The following MYO10 variants were observed in gnomAD, a reference collection of about 807,000 sequenced individuals.
MYO10 encodes the protein unconventional myosin-X.
In MYO10, 133 loss-of-function variants were observed where a neutral mutation model predicts 257.3. That is an observed-to-expected ratio of 0.52 (90% CI 0.45 to 0.60). MYO10 has a LOEUF of 0.60. MYO10 is among the 20% of genes least tolerant of loss of function. MYO10 has a pLI of 0.00. For missense variants in MYO10, 2,399 were observed against 2,635.7 expected, an observed-to-expected ratio of 0.91 and a Z score of 1.97; for synonymous variants, 1,104 against 1,028.6, an observed-to-expected ratio of 1.07 and a Z score of -1.40.
intron 1 of MYO10, among the ~76,000 whole-genome samples, chr5:16,879,560 T>C (rs1269172899): frequency 1.3e-5 from 2 of 152,148 alleles, no homozygotes; most frequent in African/African-American, 4.8e-5. Flanking sequence ...CAAGAGGAAA[T>C]TGCAGCTTGG....
chr5:16,822,573 C>A (rs569828795), intron 2 of MYO10, among the ~76,000 whole-genome samples: 13 of 152,160 alleles, frequency 8.5e-5, no homozygotes, highest in African/African-American at 2.4e-4. Context: ...AAGGAGAAAC[C>A]CTAAGGAGGT....
intron 2 of MYO10, among the ~76,000 whole-genome samples, chr5:16,855,107 C>T (rs2126739936): frequency 6.6e-6 from 1 of 152,170 alleles, no homozygotes; most frequent in South Asian, 2.1e-4. Context: ...GTTAACGAAT[C>T]AAATCCTAGG....
At chr5:16,716,410 A>G (rs1321083382) in intron 19 of MYO10, among the ~76,000 whole-genome samples, 1 of 151,742 alleles carries the variant, frequency 6.6e-6, no homozygotes, top group Non-Finnish European at 1.5e-5. Flanking sequence ...GTGCTTCCCA[A>G]TGAAGACAGA....
In MYO10 at chr5:16,889,777, G is replaced by A. The variant is rs1263706456; in HGVS notation, c.22-12070C>T. Among the ~76,000 whole-genome samples the A allele has an allele frequency of 1.3e-5, 2 of 151,588 alleles. 1 individual carries two copies. Among genetic ancestry groups the A allele is most frequent in the African/African-American group, 4.9e-5 (2 of 40,942 alleles). ...AGCAGTAGGAGGTACAGGACAGAAA[G>A]GGCAATAAAAGACCAGCACAAGATG... On this transcript the variant is annotated intron_variant, in intron 1 of 40. Coordinates refer to ENST00000513610, the MANE Select transcript of MYO10 (RefSeq NM_012334.3).
intron 22 of MYO10, 28 bp downstream of exon 22, chr5:16,704,551 C>T (rs761881244): frequency 6.3e-7 from 1 of 1,589,922 alleles, no homozygotes; most frequent in South Asian, 1.1e-5. Context: ...GAGCTTCCTG[C>T]CTTATCCCCT....
intron 2 of MYO10, among the ~76,000 whole-genome samples, chr5:16,861,176 G>A (rs1744096919): frequency 6.6e-6 from 1 of 151,578 alleles, no homozygotes; most frequent in South Asian, 2.1e-4. Flanking sequence ...GGCGCAGCGT[G>A]GAAGCTGAGA....
At chr5:16,777,642 G>C (rs1304759849) in intron 9 of MYO10, among the ~76,000 whole-genome samples, 1 of 151,982 alleles carries the variant, frequency 6.6e-6, no homozygotes, top group Non-Finnish European at 1.5e-5. Context: ...CCAGGTACTG[G>C]GTAAGGTTAG....
rs1737642868 is a variant in MYO10, at chr5:16,694,456, A to G, written c.3715T>C (p.Phe1239Leu). The change falls in exon 27 of 41, where the codon TTT (phenylalanine) becomes CTT (leucine). Residue 1239 changes from phenylalanine (F) to leucine (L), a missense_variant. This residue lies in a region of MYO10 where 1,820 missense variants were observed against 1,939.4 expected (regional missense o/e 0.94). Coordinates refer to ENST00000513610, the MANE Select transcript of MYO10 (RefSeq NM_012334.3). ...LSRRNWKKRW[F>L]VLRQSKLMYF... ...ATCAGCTTGGACTGGCGGAGGACAA[A>G]CCAGCGCTTCTTCCAATTTCTCCTG... 1 of 1,613,904 alleles carries G rather than the reference A, an allele frequency of 6.2e-7. No homozygotes were observed.
chr5:16,699,422 C>T (rs771914393), intron 26 of MYO10, 28 bp downstream of exon 26: 10 of 1,610,646 alleles, frequency 6.2e-6, no homozygotes, highest in Non-Finnish European at 8.5e-6. Context: ...TCCCCCTAAC[C>T]CAGACTCCAT....
At chr5:16,746,001 A>G (rs1408596013) in intron 19 of MYO10, among the ~76,000 whole-genome samples, 4 of 152,138 alleles carry the variant, frequency 2.6e-5, no homozygotes, top group Non-Finnish European at 4.4e-5. Context: ...CCATAGGGTA[A>G]AGTGAAAGCA....
At chr5:16,873,200 C>T (rs745725938) in intron 2 of MYO10, among the ~76,000 whole-genome samples, 2 of 152,140 alleles carry the variant, frequency 1.3e-5, no homozygotes, top group African/African-American at 4.8e-5. Flanking sequence ...AAAGCCATTC[C>T]AAATAGGAGA....
intron 2 of MYO10, among the ~76,000 whole-genome samples, chr5:16,818,847 T>C (rs1369122643): frequency 6.6e-6 from 1 of 152,234 alleles, no homozygotes; most frequent in African/African-American, 2.4e-5. Context: ...ACAGAAATTA[T>C]AAACTTATAG....
intron 17 of MYO10, among the ~76,000 whole-genome samples, chr5:16,758,534 C>T (rs566645760): frequency 3.9e-5 from 6 of 152,298 alleles, no homozygotes; most frequent in African/African-American, 1.4e-4. Flanking sequence ...TCTGTAGCCT[C>T]GGTCTCCTCA....
intron 2 of MYO10, among the ~76,000 whole-genome samples, chr5:16,849,182 A>G (rs1743727866): frequency 6.6e-6 from 1 of 152,330 alleles, no homozygotes; most frequent in East Asian, 1.9e-4. Context: ...AAATAGCTTC[A>G]GTCTATAATC....
intron 3 of MYO10, among the ~76,000 whole-genome samples, chr5:16,804,597 G>A (rs1035649860): frequency 4.6e-5 from 7 of 152,170 alleles, no homozygotes; most frequent in Non-Finnish European, 8.8e-5. Flanking sequence ...TTATGGTCGC[G>A]CGCAGAGGCT....
intron 4 of MYO10, among the ~76,000 whole-genome samples, chr5:16,789,169 G>A (rs1179703986): frequency 6.6e-6 from 1 of 152,168 alleles, no homozygotes; most frequent in Non-Finnish European, 1.5e-5. Flanking sequence ...AAGTTTTATT[G>A]GAACACAGTG....
chr5:16,792,740 G>A (rs1260863676), intron 4 of MYO10, among the ~76,000 whole-genome samples: 2 of 152,106 alleles, frequency 1.3e-5, no homozygotes, highest in Non-Finnish European at 2.9e-5. Flanking sequence ...TGTGTGATTC[G>A]GGGCTGCAGT....
At chr5:16,687,715 GATATGC>G (rs908811515) in intron 28 of MYO10, among the ~76,000 whole-genome samples, 1 of 151,870 alleles carries the variant, frequency 6.6e-6, no homozygotes, top group Non-Finnish European at 1.5e-5. Context: ...ATATACAAGA[GATATGC>G]ATATCTCTTG....
Position 16,935,974 on chromosome 5 carries a change from T to A in MYO10, c.-166A>T, listed in dbSNP as rs1746430951. The A allele has an allele frequency of 1.3e-6, 1 of 791,120 alleles. No homozygotes were observed. 49.0% of individuals were successfully genotyped at this position (791,120 alleles called of 1,614,324 possible). A position where few individuals can be genotyped will look rare whatever the true frequency, so the allele number is the denominator to read the frequency against. Reference sequence around the variant, plus strand: ...CGGTCCCTTCTTGTCCTTCTCACCTTTTGTTCGCCCAAACCCAAGTCCCTA... The same window carrying A: ...CGGTCCCTTCTTGTCCTTCTCACCTATTGTTCGCCCAAACCCAAGTCCCTA... On this transcript the variant is annotated 5_prime_UTR_variant, in exon 1 of 41. Transcript: ENST00000513610.
Sources: allele counts gnomAD v4.1 joint callset (sites outside exome capture counted in the v4.1 genomes callset), GRCh38; gene constraint gnomAD v4.1.1; regional missense constraint gnomAD v4.1.1; transcripts MANE v1.5; gene names NCBI Gene and HGNC (gene_info 2026-07-23, HGNC 2026-07-21).